HORMAD2: variants seen among roughly 807,000 people sequenced by gnomAD.
HORMAD2 encodes HORMA domain containing 2, also known as HORMA domain-containing protein 2.
In HORMAD2, 45 loss-of-function variants were observed where a neutral mutation model predicts 38.8. The observed-to-expected ratio is 1.16, with a 90% CI of 0.91 to 1.49. HORMAD2 has a LOEUF of 1.49. Among genes scored for constraint, HORMAD2 ranks in the 40% most tolerant of loss-of-function variants. The pLI is 0.00. For missense variants in HORMAD2, 338 were observed against 367.0 expected (o/e 0.92, Z 0.65); for synonymous variants, 126 against 122.8 (o/e 1.03, Z -0.17).
chr22:30,132,539 C>CAAA (rs11384913), intron 10 of HORMAD2, among the ~76,000 whole-genome samples: 3 of 129,730 alleles, frequency 2.3e-5, no homozygotes, highest in Non-Finnish European at 3.2e-5. Context: ...GACTCCGTCT[C>CAAA]AAAAAAAAAA....
chr22:30,158,606 C>T (rs1165154473), intron 10 of HORMAD2, among the ~76,000 whole-genome samples: 2 of 119,918 alleles, frequency 1.7e-5, no homozygotes, highest in African/African-American at 6.4e-5. Flanking sequence ...TCCCTCCCTC[C>T]CTCCGTCCCT....
At chr22:30,097,079 A>T (rs1266193323) in intron 2 of HORMAD2, among the ~76,000 whole-genome samples, 4 of 152,226 alleles carry the variant, frequency 2.6e-5, no homozygotes, top group Non-Finnish European at 4.4e-5. Context: ...TTCATGAGAC[A>T]TATTTTGTGC....
chr22:30,195,548 A>C, the HORMAD2 span, among the ~76,000 whole-genome samples: 1 of 152,340 alleles, frequency 6.6e-6, no homozygotes, highest in South Asian at 2.1e-4. Context: ...CCTTGTGCCC[A>C]TGCAAAGGAT....
intron 10 of HORMAD2, among the ~76,000 whole-genome samples, chr22:30,163,092 C>T (rs1186530300): frequency 6.6e-6 from 1 of 152,102 alleles, no homozygotes; most frequent in East Asian, 1.9e-4. Flanking sequence ...ACAGATTTTT[C>T]CCTATTAGTA....
chr22:30,124,493 T>A (rs190332466), intron 10 of HORMAD2, among the ~76,000 whole-genome samples: 1 of 152,344 alleles, frequency 6.6e-6, no homozygotes, highest in Admixed American at 6.5e-5. Flanking sequence ...TTGCACGCCC[T>A]CTGAAGGTAA....
At chr22:30,134,944 G>A (rs1923556871) in intron 10 of HORMAD2, among the ~76,000 whole-genome samples, 1 of 152,054 alleles carries the variant, frequency 6.6e-6, no homozygotes, top group Non-Finnish European at 1.5e-5. Context: ...GTATATTTGT[G>A]AACCCAATTA....
intron 5 of HORMAD2, among the ~76,000 whole-genome samples, chr22:30,108,189 T>C (rs1218792874): frequency 6.6e-6 from 1 of 152,188 alleles, no homozygotes. Context: ...TATATAGCTA[T>C]CTAGCTTGTT....
chr22:30,203,828 A>C, the HORMAD2 span, among the ~76,000 whole-genome samples: 1 of 152,128 alleles, frequency 6.6e-6, no homozygotes, highest in African/African-American at 2.4e-5. Context: ...ACAAACGTGC[A>C]CTCTGTATAC....
At chr22:30,190,248 A>C in the HORMAD2 span, among the ~76,000 whole-genome samples, 15 of 152,310 alleles carry the variant, frequency 9.8e-5, no homozygotes, top group South Asian at 2.9e-3. Context: ...AAGTAATTTC[A>C]GGGCAACATC....
At position 30,142,477 on chromosome 22, in the gene HORMAD2, C is replaced by T. The variant is rs565759783; in HGVS notation, c.819+20263C>T. ...CTGAAGTTCAGGTATTGAAGTCTGACGCTATTATTGTTGAATTGTCTGTTT... is the reference window on the plus strand; with the variant it reads ...CTGAAGTTCAGGTATTGAAGTCTGATGCTATTATTGTTGAATTGTCTGTTT... On this transcript the variant is annotated intron_variant, in intron 10 of 10. Transcript: ENST00000336726. Among the ~76,000 whole-genome samples, 14 of 152,140 alleles carry T rather than the reference C, an allele frequency of 9.2e-5. No individual in the cohort carries two copies. The East Asian group carries it at 2.3e-3, about 25-fold the overall frequency.
chr22:30,128,636 G>A (rs1484454400), intron 10 of HORMAD2, among the ~76,000 whole-genome samples: 1 of 152,126 alleles, frequency 6.6e-6, no homozygotes, highest in Non-Finnish European at 1.5e-5. Context: ...GCTCTCAAAT[G>A]AGTAGTACCA....
At chr22:30,162,888 G>A (rs1191590118) in intron 10 of HORMAD2, among the ~76,000 whole-genome samples, 1 of 151,912 alleles carries the variant, frequency 6.6e-6, no homozygotes, top group Non-Finnish European at 1.5e-5. Context: ...TTTTTGTAGA[G>A]ACAGGGTTTT....
At chr22:30,078,862 GCAGA>G (rs1227032708), upstream of HORMAD2, among the ~76,000 whole-genome samples, 2 of 152,026 alleles carry the variant, frequency 1.3e-5, no homozygotes, top group East Asian at 3.9e-4. Context: ...AAGGGCTGGT[GCAGA>G]CAAACCATCT....
downstream of HORMAD2, among the ~76,000 whole-genome samples, chr22:30,177,880 A>G (rs1387427358): frequency 6.6e-6 from 1 of 151,944 alleles, no homozygotes; most frequent in Non-Finnish European, 1.5e-5. Flanking sequence ...GGGGTTCGCC[A>G]TGTTGCCCAG....
At chr22:30,139,067 G>A (rs1473351237) in intron 10 of HORMAD2, among the ~76,000 whole-genome samples, 1 of 151,652 alleles carries the variant, frequency 6.6e-6, no homozygotes, top group Admixed American at 6.6e-5. Flanking sequence ...GATTGCCTTA[G>A]ACTTCATCTG....
intron 2 of HORMAD2, among the ~76,000 whole-genome samples, chr22:30,094,665 T>A (rs2068750911): frequency 2.0e-5 from 3 of 152,110 alleles, no homozygotes; most frequent in Non-Finnish European, 4.4e-5. Flanking sequence ...ATTATAGGGA[T>A]TTATTTAGAG....
chr22:30,133,477 A>AT (rs1923424410), intron 10 of HORMAD2, among the ~76,000 whole-genome samples: 1 of 147,900 alleles, frequency 6.8e-6, no homozygotes, highest in Non-Finnish European at 1.5e-5. Context: ...ATATATATAT[A>AT]ATATATTTAT....
intron 10 of HORMAD2, among the ~76,000 whole-genome samples, chr22:30,127,306 T>A (rs2146143045): frequency 6.6e-6 from 1 of 150,984 alleles, no homozygotes. Flanking sequence ...CTTCCCTGAT[T>A]CAAGCGATTC....
chr22:30,084,917 G>A (rs1048063671), intron 1 of HORMAD2, among the ~76,000 whole-genome samples: 39 of 152,134 alleles, frequency 2.6e-4, no homozygotes, highest in African/African-American at 8.4e-4. Context: ...AGGCCGAGGC[G>A]GGCGGATCAT....
Sources: allele counts gnomAD v4.1 joint callset (sites outside exome capture counted in the v4.1 genomes callset), GRCh38; gene constraint gnomAD v4.1.1; transcripts MANE v1.5; gene names NCBI Gene and HGNC (gene_info 2026-07-23, HGNC 2026-07-21).